SBNO1: variants seen among roughly 807,000 people sequenced by gnomAD.
The protein encoded by SBNO1 is protein strawberry notch homolog 1.
A neutral mutation model predicts 173.6 loss-of-function variants in SBNO1; 23 were observed. The observed-to-expected ratio is 0.13, with a 90% CI of 0.10 to 0.19. SBNO1 has a LOEUF of 0.19. Among genes scored for constraint, SBNO1 ranks in the 10% least tolerant of loss-of-function variants. SBNO1 has a pLI of 1.00. For synonymous variants in SBNO1, 632 were observed against 571.5 expected (o/e 1.11, Z -1.51); for missense variants, 1,238 against 1,671.2 (o/e 0.74, Z 4.52).
Position 123,332,592 on chromosome 12 carries a change from A to C in SBNO1, c.910-1217T>G, listed in dbSNP as rs141915820. Among the ~76,000 whole-genome samples, 914 of 146,672 alleles carry C rather than the reference A, an allele frequency of 6.2e-3. 14 individuals are homozygous for C. Among genetic ancestry groups the C allele is most frequent in the African/African-American group, 0.022 (870 of 39,094 alleles). Reference sequence around the variant, plus strand: ...TGGTTTTTTAGTTTTTTTCAGACAGAGTCTCACTCTGTCGTCCAGGCTGGA... The same window carrying C: ...TGGTTTTTTAGTTTTTTTCAGACAGCGTCTCACTCTGTCGTCCAGGCTGGA... On this transcript the variant is annotated intron_variant, in intron 7 of 31. Transcript: ENST00000602398.
At chr12:123,347,987 T>TA in intron 3 of SBNO1, 42 bp downstream of exon 3, 1 of 1,289,244 alleles carries the variant, frequency 7.8e-7, no homozygotes, top group Non-Finnish European at 1.1e-6. Flanking sequence ...ACTACACTTC[T>TA]AAACTATTTT....
At chr12:123,304,418 T>G (rs2048865199) in intron 29 of SBNO1, 164 bp downstream of exon 29, 1 of 524,938 alleles carries the variant, frequency 1.9e-6, no homozygotes, top group African/African-American at 2.0e-5. Context: ...GCATTTTTAG[T>G]AGAGACGGGG....
chr12:123,339,816 T>C (rs983279202), intron 5 of SBNO1, among the ~76,000 whole-genome samples: 1 of 151,900 alleles, frequency 6.6e-6, no homozygotes, highest in African/African-American at 2.4e-5. Context: ...AAAACCTCAA[T>C]TCAGGACCCT....
chr12:123,353,145 C>G (rs1874075964), intron 1 of SBNO1, among the ~76,000 whole-genome samples: 1 of 152,126 alleles, frequency 6.6e-6, no homozygotes, highest in Non-Finnish European at 1.5e-5. Context: ...GAAAAGCAAC[C>G]TGAGGAAGAA....
Position 123,300,518 on chromosome 12 carries a change from G to A in SBNO1, c.3845+2306C>T, listed in dbSNP as rs775633625. Among the ~76,000 whole-genome samples, 41 of 152,034 alleles carry A rather than the reference G, an allele frequency of 2.7e-4. 1 individual carries two copies. The highest frequency in any genetic ancestry group is 7.4e-5 in the Non-Finnish European group (5 of 68,018). ...TAAAAATACAAAAAATTAGCCGGGC[G>A]TGGTTGGCGGGTGCCTGTAGTCCCA... On this transcript the variant is annotated intron_variant, in intron 30 of 31. Coordinates refer to ENST00000602398, the MANE Select transcript of SBNO1 (RefSeq NM_001167856.3).
chr12:123,342,519 G>C (rs534114962), intron 4 of SBNO1, among the ~76,000 whole-genome samples: 1 of 152,162 alleles, frequency 6.6e-6, no homozygotes, highest in Non-Finnish European at 1.5e-5. Flanking sequence ...ATGTGATCTG[G>C]TGGTACTTAC....
intron 24 of SBNO1, among the ~76,000 whole-genome samples, chr12:123,311,691 C>CTATCTAT (rs1424278237): frequency 5.5e-4 from 67 of 121,780 alleles, no homozygotes; most frequent in Admixed American, 1.8e-3. Flanking sequence ...AAACAAGTAA[C>CTATCTAT]CTATCTATCT....
intron 30 of SBNO1, among the ~76,000 whole-genome samples, chr12:123,299,256 T>C (rs894029884): frequency 3.9e-5 from 6 of 152,092 alleles, no homozygotes; most frequent in Non-Finnish European, 1.5e-5. Flanking sequence ...TAGTCCCAGC[T>C]ACTCGGGAAG....
intron 1 of SBNO1, among the ~76,000 whole-genome samples, chr12:123,362,484 G>C (rs999742736): frequency 4.9e-5 from 7 of 142,076 alleles, no homozygotes; most frequent in Admixed American, 1.5e-4. Context: ...CTGACGGGGG[G>C]GCCAAGGGCG....
chr12:123,306,231 C>T (rs2048910214), intron 28 of SBNO1, among the ~76,000 whole-genome samples: 1 of 152,188 alleles, frequency 6.6e-6, no homozygotes. Flanking sequence ...GTTTAAGACA[C>T]TTAACAATGG....
chr12:123,337,029 G>C (rs1871933327), intron 5 of SBNO1, among the ~76,000 whole-genome samples: 1 of 152,142 alleles, frequency 6.6e-6, no homozygotes, highest in Admixed American at 6.6e-5. Flanking sequence ...CAAAACCCCA[G>C]AAGACTGGAG....
chr12:123,294,747 G>A lies in SBNO1; in HGVS notation c.*1161C>T, dbSNP rs1287402839. On this transcript the variant is annotated 3_prime_UTR_variant, in exon 32 of 32. Coordinates refer to ENST00000602398, the MANE Select transcript of SBNO1 (RefSeq NM_001167856.3). Reference sequence around the variant, plus strand: ...GTTTTTATAAACATCTATTATAGGCGAAACAAAACTTACCCATATTATATA... The same window carrying A: ...GTTTTTATAAACATCTATTATAGGCAAAACAAAACTTACCCATATTATATA... The A allele has an allele frequency of 1.9e-5, 3 of 156,612 alleles. No homozygotes were observed. Among genetic ancestry groups the A allele is most frequent in the Admixed American group, 1.3e-4 (2 of 15,152 alleles). 9.7% of individuals were successfully genotyped at this position (156,612 alleles called of 1,614,324 possible).
chr12:123,353,294 T>A (rs1874089627), intron 1 of SBNO1, among the ~76,000 whole-genome samples: 1 of 151,996 alleles, frequency 6.6e-6, no homozygotes, highest in Admixed American at 6.6e-5. Flanking sequence ...AAACTGAGGG[T>A]CAGAAAACTT....
At chr12:123,324,248 G>A (rs1332225714) in intron 15 of SBNO1, among the ~76,000 whole-genome samples, 1 of 151,734 alleles carries the variant, frequency 6.6e-6, no homozygotes, top group Non-Finnish European at 1.5e-5. Flanking sequence ...ACAAGCGGCT[G>A]CCATTCTGGA....
chr12:123,353,101 C>T (rs1213297231), intron 1 of SBNO1, among the ~76,000 whole-genome samples: 1 of 152,090 alleles, frequency 6.6e-6, no homozygotes, highest in Non-Finnish European at 1.5e-5. Context: ...CCCAGCCTCC[C>T]AAAGGAGATT....
At chr12:123,316,870 T>A (rs540721361) in intron 21 of SBNO1, among the ~76,000 whole-genome samples, 1 of 152,154 alleles carries the variant, frequency 6.6e-6, no homozygotes, top group Admixed American at 6.6e-5. Flanking sequence ...ACCCAGTTAA[T>A]TTTTGTATTT....
chr12:123,342,529 C>T (rs1412012485), intron 4 of SBNO1, among the ~76,000 whole-genome samples: 1 of 152,178 alleles, frequency 6.6e-6, no homozygotes, highest in Non-Finnish European at 1.5e-5. Flanking sequence ...GTGGTACTTA[C>T]TAATTTTCAA....
Position 123,348,010 on chromosome 12 carries a change from G to A in SBNO1, c.237+19C>T, listed in dbSNP as rs752553943. On this transcript the variant is annotated intron_variant, in intron 3 of 31. Transcript: ENST00000602398. ...TCTAAACTATTTTAGAAGTAACGAC[G>A]AATCTAAATCATTCTTACCCTCACA... 69 of 1,457,502 alleles carry A rather than the reference G, an allele frequency of 4.7e-5. No homozygotes were observed. The highest frequency in any genetic ancestry group is 5.1e-5 in the Non-Finnish European group (53 of 1,043,066). 90.3% of individuals were successfully genotyped at this position (1,457,502 alleles called of 1,614,324 possible). A position where few individuals can be genotyped will look rare whatever the true frequency, so the allele number is the denominator to read the frequency against.
At chr12:123,313,811 G>C in intron 23 of SBNO1, 92 bp from the exon 24 acceptor site, 1 of 715,026 alleles carries the variant, frequency 1.4e-6, no homozygotes. Flanking sequence ...ACTACTGGCT[G>C]GGTGCGGTGG....
Sources: gnomAD v4.1 joint callset for allele counts (sites outside exome capture counted in the v4.1 genomes callset) on GRCh38, gnomAD v4.1.1 for gene constraint, MANE v1.5 for transcripts, NCBI Gene and HGNC (gene_info 2026-07-23, HGNC 2026-07-21) for gene names.